The following ST6GAL1 variants were observed in gnomAD, a reference collection of about 807,000 sequenced individuals.
ST6GAL1 encodes ST6 beta-galactoside alpha-2,6-sialyltransferase 1, also known as beta-galactoside alpha-2,6-sialyltransferase 1.
Under a neutral mutation model 38.0 loss-of-function variants are expected in ST6GAL1, and 20 were observed. That is an observed-to-expected ratio of 0.53 (90% confidence interval 0.37 to 0.77). The LOEUF (loss-of-function observed/expected upper bound fraction) is 0.77, where lower values mean the gene tolerates loss of function less well. Ranked by LOEUF, ST6GAL1 falls within the 30% of genes least tolerant of loss-of-function variation. The pLI is 0.00. For synonymous variants in ST6GAL1, 196 were observed against 188.2 expected (o/e 1.04, Z -0.34); for missense variants, 432 against 496.4 (o/e 0.87, Z 1.23).
intron 2 of ST6GAL1, among the ~76,000 whole-genome samples, chr3:187,027,515 G>A (rs927613163): frequency 1.3e-5 from 2 of 152,174 alleles, no homozygotes; most frequent in Admixed American, 6.5e-5. Flanking sequence ...GAGAATCACT[G>A]TGCTCCTCAG....
intron 2 of ST6GAL1, among the ~76,000 whole-genome samples, chr3:187,015,902 A>T (rs912061655): frequency 2.0e-5 from 3 of 152,196 alleles, no homozygotes; most frequent in Non-Finnish European, 4.4e-5. Flanking sequence ...CTGGGTTCAA[A>T]CCTTGGCCCT....
intron 1 of ST6GAL1, 117 bp downstream of exon 1, chr3:186,930,951 G>C (rs1334596812): frequency 6.5e-6 from 1 of 153,438 alleles, no homozygotes; most frequent in Non-Finnish European, 1.4e-5. Flanking sequence ...GTAGGGCGCA[G>C]GGAATCTCTC....
chr3:186,939,897 A>T (rs1255258666), intron 1 of ST6GAL1, among the ~76,000 whole-genome samples: 2 of 152,204 alleles, frequency 1.3e-5, no homozygotes, highest in African/African-American at 4.8e-5. Flanking sequence ...CCTTGGTAGC[A>T]GGCCCTCTCT....
chr3:187,064,654 A>G, intron 5 of ST6GAL1: 1 of 455,950 alleles, frequency 2.2e-6, no homozygotes, highest in Non-Finnish European at 4.4e-6. Flanking sequence ...TGTAAGCAAC[A>G]CTAAGTATCT....
At chr3:187,055,356 T>G (rs1718660617) in intron 5 of ST6GAL1, among the ~76,000 whole-genome samples, 1 of 152,172 alleles carries the variant, frequency 6.6e-6, no homozygotes, top group Admixed American at 6.5e-5. Context: ...AGCTTTTGAA[T>G]TTGTTTACTC....
chr3:187,055,702 T>A (rs1436039052), intron 5 of ST6GAL1, among the ~76,000 whole-genome samples: 2 of 152,210 alleles, frequency 1.3e-5, no homozygotes, highest in Non-Finnish European at 1.5e-5. Context: ...CTTTTATGTT[T>A]GCTGAGGAGT....
At chr3:187,067,281 T>G (rs1719196921) in intron 5 of ST6GAL1, among the ~76,000 whole-genome samples, 1 of 148,810 alleles carries the variant, frequency 6.7e-6, no homozygotes, top group South Asian at 2.1e-4. Context: ...GAGACGAGGT[T>G]TTACTATGTT....
At chr3:187,047,501 T>C (rs893422450) in intron 4 of ST6GAL1, among the ~76,000 whole-genome samples, 1 of 152,222 alleles carries the variant, frequency 6.6e-6, no homozygotes, top group Non-Finnish European at 1.5e-5. Flanking sequence ...TTGAATTTTC[T>C]AAGCGTGTGA....
chr3:187,011,636 C>CAG (rs1716960045), intron 2 of ST6GAL1, among the ~76,000 whole-genome samples: 1 of 152,208 alleles, frequency 6.6e-6, no homozygotes, highest in African/African-American at 2.4e-5. Context: ...ACAGGGAAGG[C>CAG]CCCTTGCAGG....
chr3:186,993,072 T>C (rs918042896), intron 2 of ST6GAL1, among the ~76,000 whole-genome samples: 3 of 152,144 alleles, frequency 2.0e-5, no homozygotes, highest in Non-Finnish European at 4.4e-5. Flanking sequence ...CTCCTGGCCA[T>C]AGCTGTGGGC....
intron 2 of ST6GAL1, among the ~76,000 whole-genome samples, chr3:187,002,629 C>G (rs1716658362): frequency 6.6e-6 from 1 of 152,202 alleles, no homozygotes. Context: ...GTGCCAATTA[C>G]CTTTGCTTAG....
At chr3:186,931,039 A>G (rs1713726625) in intron 1 of ST6GAL1, 1 of 152,532 alleles carries the variant, frequency 6.6e-6, no homozygotes, top group Admixed American at 6.5e-5. Context: ...TGTCAGGGCC[A>G]AAGGGCCACC....
intron 5 of ST6GAL1, chr3:187,072,291 A>G (rs1719409831): frequency 6.3e-6 from 1 of 159,612 alleles, no homozygotes; most frequent in Admixed American, 6.1e-5. Context: ...ACACAAACTG[A>G]ATATTTCATC....
intron 2 of ST6GAL1, among the ~76,000 whole-genome samples, chr3:186,967,227 T>C (rs1481539310): frequency 6.6e-6 from 1 of 152,238 alleles, no homozygotes; most frequent in African/African-American, 2.4e-5. Context: ...TGTCTTGCTC[T>C]GTTGCCCAGG....
rs117456079 is a variant in ST6GAL1, at chr3:187,058,154, C to T, written c.705+6808C>T. Among the ~76,000 whole-genome samples, 411 of 152,280 alleles carry T rather than the reference C, an allele frequency of 2.7e-3. 8 individuals are homozygous for T. In the East Asian group the frequency reaches 0.061, roughly 23 times the overall value. On this transcript the variant is annotated intron_variant, in intron 5 of 7. Coordinates refer to ENST00000169298, the MANE Select transcript of ST6GAL1 (RefSeq NM_173216.2). ...CCATTTTTTAAGACAGTTGGAAAAG[C>T]GCAGTGTTTGGGCGGGAGTGTCCCA...
In ST6GAL1 at chr3:187,076,967, C is replaced by T. The variant is rs1719583511; in HGVS notation, c.*1164C>T. 5.3e-6 allele frequency: 2 copies of T among 375,322 alleles called. No homozygotes were observed. Among genetic ancestry groups the T allele is most frequent in the South Asian group, 1.4e-4 (1 of 7,184 alleles). The allele number at this position is 375,322 out of a possible 1,614,324, so 23.2% of individuals were successfully genotyped here. On this transcript the variant is annotated 3_prime_UTR_variant, in exon 8 of 8. Coordinates refer to ENST00000169298, the MANE Select transcript of ST6GAL1 (RefSeq NM_173216.2). ...TACCTACCCCCAAATCTTCTCCTAA[C>T]CACCATCTGTTTTTTTTTTTTAAAG...
In ST6GAL1 at chr3:187,015,587, C is replaced by T. The variant is rs374648067; in HGVS notation, c.-182-23155C>T. On this transcript the variant is annotated intron_variant, in intron 2 of 7. Coordinates refer to ENST00000169298, the MANE Select transcript of ST6GAL1 (RefSeq NM_173216.2). Reference sequence around the variant, plus strand: ...GTGCAGCAGCTCACGCCTGTAATCCCAGCACTTTGGGAGGCCGAGGTGGGT... The same window carrying T: ...GTGCAGCAGCTCACGCCTGTAATCCTAGCACTTTGGGAGGCCGAGGTGGGT... Among the ~76,000 whole-genome samples the T allele has an allele frequency of 2.8e-4, 42 of 152,264 alleles. No homozygotes were observed. The East Asian group carries it at 7.7e-3, about 28-fold the overall frequency.
At chr3:187,054,223 T>C (rs1164978000) in intron 5 of ST6GAL1, among the ~76,000 whole-genome samples, 2 of 152,218 alleles carry the variant, frequency 1.3e-5, no homozygotes, top group African/African-American at 4.8e-5. Flanking sequence ...TTTTTCTAAA[T>C]ATACAATCAT....
chr3:187,075,090 TG>T lies in ST6GAL1; in HGVS notation c.980-471del, dbSNP rs1219425535. ...AAGAAAAGTCTTCCCTCCCCAACAC[TG>T]TTTCATGCAAATGCTATAAGGAAAA... On this transcript the variant is annotated intron_variant, in intron 7 of 7. Transcript: ENST00000169298. This position sits in a 1 kb window ranked among gnomAD's most constrained non-coding sequence, Gnocchi z 4.1. Among the ~76,000 whole-genome samples the T allele has an allele frequency of 3.9e-5, 6 of 152,084 alleles. No homozygotes were observed. Among genetic ancestry groups the T allele is most frequent in the African/African-American group, 1.4e-4 (6 of 41,414 alleles).
Sources: allele counts gnomAD v4.1 joint callset (sites outside exome capture counted in the v4.1 genomes callset), GRCh38; gene constraint gnomAD v4.1.1; non-coding constraint Gnocchi (gnomAD v3.1); transcripts MANE v1.5; gene names NCBI Gene and HGNC (gene_info 2026-07-23, HGNC 2026-07-21).